The following N4BP2L2 variants were observed in gnomAD, a reference collection of about 807,000 sequenced individuals.
N4BP2L2 encodes NEDD4 binding protein 2 like 2.
N4BP2L2 carries 50 observed loss-of-function variants against 56.2 expected under a neutral mutation model. That is an observed-to-expected ratio of 0.89 (90% CI 0.71 to 1.13). The LOEUF is 1.13. Ranked by LOEUF, N4BP2L2 falls within the 50% of genes most tolerant of loss-of-function variation. The probability of loss-of-function intolerance (pLI) is 0.00; values close to 1 mark genes in which losing one functional copy is unlikely to be tolerated. For missense variants in N4BP2L2, 689 were observed against 693.8 expected, an observed-to-expected ratio of 0.99 and a Z score of 0.08; for synonymous variants, 203 against 223.6, an observed-to-expected ratio of 0.91 and a Z score of 0.82.
intron 6 of N4BP2L2, among the ~76,000 whole-genome samples, chr13:32,488,179 T>G (rs1003875449): frequency 2.6e-5 from 4 of 152,198 alleles, no homozygotes; most frequent in Admixed American, 2.0e-4. Context: ...CTACGTTAGG[T>G]TGGATTCAGA....
chr13:32,512,121 T>A (rs1179372401), exon 6 of N4BP2L2: 1 of 152,200 alleles, frequency 6.6e-6, no homozygotes, highest in Non-Finnish European at 1.5e-5. Flanking sequence ...TATATTTCAA[T>A]GGACTCTACT....
chr13:32,478,615 A>G (rs2083875920), intron 6 of N4BP2L2: 1 of 152,826 alleles, frequency 6.5e-6, no homozygotes, highest in Admixed American at 6.5e-5. Flanking sequence ...CTCTGGCTCT[A>G]CTGCAAAGGG....
intron 2 of N4BP2L2, among the ~76,000 whole-genome samples, chr13:32,534,276 CAAT>C (rs1290827609): frequency 1.3e-5 from 2 of 152,190 alleles, no homozygotes; most frequent in Non-Finnish European, 2.9e-5. Context: ...TCTCCCACTA[CAAT>C]GTCTCCTTTA....
chr13:32,481,375 G>A (rs2084716067), intron 6 of N4BP2L2, among the ~76,000 whole-genome samples: 1 of 152,098 alleles, frequency 6.6e-6, no homozygotes, highest in Admixed American at 6.6e-5. Context: ...CTAGTCTGAA[G>A]CTCAATGATT....
At chr13:32,453,142 C>G (rs7994663) in intron 6 of N4BP2L2, among the ~76,000 whole-genome samples, 8,721 of 152,110 alleles carry the variant, frequency 0.057, 846 homozygotes, top group African/African-American at 0.2. Context: ...GCCTGTAGTC[C>G]CAGCTACTTG....
chr13:32,441,066 G>C lies in N4BP2L2; in HGVS notation c.2104+1322C>G, dbSNP rs2076257581. On this transcript the variant is annotated intron_variant, in intron 7 of 9. Coordinates refer to the N4BP2L2 transcript ENST00000357505. Reference sequence around the variant, plus strand: ...GGCATGTTTTCGTCATGTTAGCCAGGCTGGTCTCAAACTCCTGACCTCAAG... The same window carrying C: ...GGCATGTTTTCGTCATGTTAGCCAGCCTGGTCTCAAACTCCTGACCTCAAG... 3.3e-5 allele frequency among the ~76,000 whole-genome samples: 5 copies of C among 152,052 alleles called. No homozygotes were observed. In the South Asian group the frequency reaches 1.0e-3, roughly 32 times the overall value.
chr13:32,464,951 A>G lies in N4BP2L2; in HGVS notation c.366-20825T>C, dbSNP rs7992552. Among the ~76,000 whole-genome samples the G allele has an allele frequency of 2.4e-3, 370 of 152,282 alleles. 1 individual carries two copies. The highest frequency in any genetic ancestry group is 8.0e-3 in the African/African-American group (332 of 41,570). Reference sequence around the variant, plus strand: ...AAATCATCCAATACCAAGTGTTAACAAGAATCTAAATTCTTGTTTGTTTTT... The same window carrying G: ...AAATCATCCAATACCAAGTGTTAACGAGAATCTAAATTCTTGTTTGTTTTT... On this transcript the variant is annotated intron_variant, in intron 6 of 9. Transcript: ENST00000357505.
intron 6 of N4BP2L2, among the ~76,000 whole-genome samples, chr13:32,448,905 T>C (rs906874765): frequency 4.6e-5 from 7 of 152,194 alleles, no homozygotes; most frequent in Non-Finnish European, 1.0e-4. Context: ...GGCTCAGTAA[T>C]AGCGAAGTCC....
chr13:32,443,678 T>C, exon 7 of N4BP2L2: 1 of 1,609,092 alleles, frequency 6.2e-7, no homozygotes, highest in Non-Finnish European at 8.5e-7. Context: ...CAGTCATCAG[T>C]TGTTACACAG....
At chr13:32,514,775 C>T (rs1332787926) in exon 6 of N4BP2L2, 1 of 152,162 alleles carries the variant, frequency 6.6e-6, no homozygotes, top group African/African-American at 2.4e-5. Flanking sequence ...ATATTCATTC[C>T]TCCATTCTGT....
chr13:32,479,646 AT>A (rs1416131976), intron 6 of N4BP2L2, among the ~76,000 whole-genome samples: 1 of 151,976 alleles, frequency 6.6e-6, no homozygotes, highest in Admixed American at 6.6e-5. Context: ...GATCCCCAAA[AT>A]GTATAAATAT....
At chr13:32,472,141 T>C (rs1246538305) in intron 6 of N4BP2L2, among the ~76,000 whole-genome samples, 2 of 151,964 alleles carry the variant, frequency 1.3e-5, no homozygotes, top group African/African-American at 4.8e-5. Flanking sequence ...AAAGACAACA[T>C]CGTAAAGAGC....
rs1418712616 is a variant in N4BP2L2, at chr13:32,441,688, AAC to A, written c.2104+698_2104+699del. 1.1e-4 allele frequency among the ~76,000 whole-genome samples: 13 copies of A among 120,086 alleles called. No individual in the cohort carries two copies. In the Admixed American group the frequency reaches 1.1e-3, roughly 10 times the overall value. 78.8% of individuals were successfully genotyped at this position (120,086 alleles called of 152,430 possible). On this transcript the variant is annotated intron_variant, in intron 7 of 9. Coordinates refer to the N4BP2L2 transcript ENST00000357505. ...GACAAGAGCGAAACTCCCTCTCAAA[AAC>A]ATAAATAAATAAATAAATAAATAAA... is the stretch of plus-strand genomic sequence containing the variant.
chr13:32,537,280 C>A (rs1278210788), intron 1 of N4BP2L2, among the ~76,000 whole-genome samples: 1 of 151,424 alleles, frequency 6.6e-6, no homozygotes, highest in Non-Finnish European at 1.5e-5. Flanking sequence ...ACATATATAT[C>A]TCTCTCAACT....
chr13:32,436,986 T>C (rs1482765597), intron 8 of N4BP2L2, among the ~76,000 whole-genome samples: 1 of 151,800 alleles, frequency 6.6e-6, no homozygotes, highest in Admixed American at 6.6e-5. Context: ...GCTCAAGTGA[T>C]TCTCCTGCCT....
At chr13:32,443,437 G>A in exon 7 of N4BP2L2, 5 of 1,613,910 alleles carry the variant, frequency 3.1e-6, no homozygotes, top group Non-Finnish European at 4.2e-6. Context: ...TAAATTGGTT[G>A]TGAAAAAAGC....
chr13:32,523,668 A>G (rs2051725584), intron 3 of N4BP2L2: 1 of 147,772 alleles, frequency 6.8e-6, no homozygotes, highest in Admixed American at 6.7e-5. Context: ...TGGGTGACAG[A>G]GCAAGACTCC....
chr13:32,484,488 T>C (rs778693799), intron 6 of N4BP2L2, among the ~76,000 whole-genome samples: 19 of 152,142 alleles, frequency 1.2e-4, no homozygotes, highest in Non-Finnish European at 2.8e-4. Flanking sequence ...GGTAGGTTTT[T>C]TTTTCTTTTT....
intron 6 of N4BP2L2, among the ~76,000 whole-genome samples, chr13:32,473,585 C>A (rs888357874): frequency 2.6e-5 from 4 of 152,172 alleles, no homozygotes; most frequent in African/African-American, 9.7e-5. Context: ...CAAAATAGGT[C>A]TTACTGGATT....
Sources: allele counts gnomAD v4.1 joint callset (sites outside exome capture counted in the v4.1 genomes callset), GRCh38; gene constraint gnomAD v4.1.1; transcripts MANE v1.5; gene names NCBI Gene and HGNC (gene_info 2026-07-23, HGNC 2026-07-21).